CDK5RAP1: variants seen among roughly 807,000 people sequenced by gnomAD.
CDK5RAP1 encodes the protein mitochondrial tRNA methylthiotransferase CDK5RAP1.
In CDK5RAP1, 62 loss-of-function variants were observed where a neutral mutation model predicts 64.5. The observed-to-expected ratio is 0.96, with a 90% confidence interval of 0.78 to 1.19. The LOEUF is 1.19. CDK5RAP1 is among the 50% of genes most tolerant of loss of function. CDK5RAP1 has a pLI of 0.00. For synonymous variants in CDK5RAP1, 250 were observed against 261.9 expected (o/e 0.95, Z 0.44); for missense variants, 657 against 735.0 (o/e 0.89, Z 1.23).
At chr20:33,387,108 CA>C (rs1364158330) in intron 6 of CDK5RAP1, among the ~76,000 whole-genome samples, 5 of 149,850 alleles carry the variant, frequency 3.3e-5, no homozygotes, top group Non-Finnish European at 7.4e-5. Flanking sequence ...TGTAAAAATT[CA>C]AAAAAAAATT....
chr20:33,359,017 G>A lies in CDK5RAP1; in HGVS notation c.*26C>T. 1.3e-6 allele frequency: 2 copies of A among 1,556,782 alleles called. No individual in the cohort carries two copies. Among genetic ancestry groups the A allele is most frequent in the Middle Eastern group, 1.7e-4 (1 of 5,838 alleles). ...CTTCCTGTTGGGGAGGATTGCCCAA[G>A]TCAGCTCTGAGGCCATCCTCTCAGG... On this transcript the variant is annotated 3_prime_UTR_variant, in exon 14 of 14. Coordinates refer to ENST00000346416, the MANE Select transcript of CDK5RAP1 (RefSeq NM_016408.4).
chr20:33,370,452 C>A (rs1193604388), intron 11 of CDK5RAP1, 47 bp downstream of exon 11: 6 of 1,608,040 alleles, frequency 3.7e-6, no homozygotes, highest in East Asian at 4.5e-5. Flanking sequence ...TCACCACCCC[C>A]AAACTGGTCA....
Position 33,395,017 on chromosome 20 carries a change from T to A in CDK5RAP1, c.404A>T (p.Gln135Leu). ...KSGYLRTSNLQEADVILLVTC... is the reference protein window; with the variant it reads ...KSGYLRTSNLLEADVILLVTC... Reference sequence around the variant, plus strand: ...GGAAATAGGAAATGCATGTACCTCTTGGAGGTTACTGGTCCGCAGGTAGCC... The same window carrying A: ...GGAAATAGGAAATGCATGTACCTCTAGGAGGTTACTGGTCCGCAGGTAGCC... Residue 135 changes from glutamine to leucine, a missense_variant, in exon 3 of 14, where the codon CAA becomes CTA. Transcript: ENST00000346416. 1.3e-6 allele frequency: 2 copies of A among 1,572,968 alleles called. No individual in the cohort carries two copies. Among genetic ancestry groups the A allele is most frequent in the Non-Finnish European group, 1.8e-6 (2 of 1,142,424 alleles).
At chr20:33,369,522 C>G (rs1984637665) in intron 11 of CDK5RAP1, among the ~76,000 whole-genome samples, 1 of 151,948 alleles carries the variant, frequency 6.6e-6, no homozygotes. Context: ...AAACTAACAG[C>G]TCCTCTGAAG....
Position 33,366,992 on chromosome 20 carries a change from T to G in CDK5RAP1, c.1409A>C (p.His470Pro), listed in dbSNP as rs753792842. The stretch of plus-strand genomic sequence containing the variant: ...TTCCGGGACATCATCCTTCAGCCTA[T>G]GATATGCCCGTGTCTTCTATTAAAA... ...YSMRQKTRAY[H>P]RLKDDVPEEV... Residue 470 changes from histidine (H) to proline (P), a missense_variant, in exon 12 of 14, where the codon CAT (histidine) becomes CCT (proline). Physicochemically the swap from His to Pro is moderately conservative, Grantham distance 77. Transcript: ENST00000346416. 24 of 1,611,210 alleles carry G rather than the reference T, an allele frequency of 1.5e-5. No individual in the cohort carries two copies. Among genetic ancestry groups the G allele is most frequent in the Middle Eastern group, 1.6e-4 (1 of 6,070 alleles).
At chr20:33,388,596 C>T (rs1987801160) in intron 5 of CDK5RAP1, among the ~76,000 whole-genome samples, 2 of 137,184 alleles carry the variant, frequency 1.5e-5, no homozygotes, top group South Asian at 5.2e-4. Context: ...CTCCTTCTCC[C>T]TCTCCCCACA....
intron 13 of CDK5RAP1, chr20:33,359,356 T>G: frequency 2.1e-6 from 1 of 486,614 alleles, no homozygotes; most frequent in Non-Finnish European, 3.7e-6. Flanking sequence ...CTTCTCCCTT[T>G]TCTCTTGGAA....
At chr20:33,388,914 C>T (rs973765846) in intron 5 of CDK5RAP1, among the ~76,000 whole-genome samples, 14 of 152,186 alleles carry the variant, frequency 9.2e-5, no homozygotes, top group Non-Finnish European at 1.6e-4. Context: ...GATGGAGTCT[C>T]GTTCACTCAG....
intron 2 of CDK5RAP1, among the ~76,000 whole-genome samples, chr20:33,396,248 T>C (rs1988885834): frequency 6.6e-6 from 1 of 152,170 alleles, no homozygotes; most frequent in Non-Finnish European, 1.5e-5. Context: ...AAAACTAATT[T>C]TGTACACAGT....
At chr20:33,374,235 A>T (rs1985593214) in intron 8 of CDK5RAP1, 23 bp from the exon 9 acceptor site, 2 of 1,470,924 alleles carry the variant, frequency 1.4e-6, no homozygotes, top group Admixed American at 3.4e-5. Flanking sequence ...AACACATTAT[A>T]GGTAATCACA....
At chr20:33,362,967 T>A (rs1983211140) in intron 12 of CDK5RAP1, among the ~76,000 whole-genome samples, 1 of 152,158 alleles carries the variant, frequency 6.6e-6, no homozygotes, top group Admixed American at 6.5e-5. Context: ...TACTTACTAG[T>A]TACAAAAGGA....
rs377039020 is a variant in CDK5RAP1, at chr20:33,370,145, G to A, written c.1392+354C>T. Among the ~76,000 whole-genome samples, 61 of 152,166 alleles carry A rather than the reference G, an allele frequency of 4.0e-4. 1 individual carries two copies. The highest frequency in any genetic ancestry group is 1.3e-3 in the African/African-American group (56 of 41,506). ...GGCTGGGAAGATGACCAGGGGCCCC[G>A]GTAAAATAAATCACATCTGCAGACC... On this transcript the variant is annotated intron_variant, in intron 11 of 13. Coordinates refer to ENST00000346416, the MANE Select transcript of CDK5RAP1 (RefSeq NM_016408.4).
chr20:33,366,364 G>A lies in CDK5RAP1; in HGVS notation c.1542+495C>T, dbSNP rs113001322. On this transcript the variant is annotated intron_variant, in intron 12 of 13. Coordinates refer to ENST00000346416, the MANE Select transcript of CDK5RAP1 (RefSeq NM_016408.4). ...AGGCCGGGCACGGTGGCTCATGCCC[G>A]TAATCCTAGCACTTTGGGAGGCTGA... Among the ~76,000 whole-genome samples the A allele has an allele frequency of 3.9e-3, 566 of 146,904 alleles. 7 individuals are homozygous for A. The highest frequency in any genetic ancestry group is 0.013 in the African/African-American group (528 of 39,718).
rs541449429 is a variant in CDK5RAP1, at chr20:33,372,458, A to G, written c.1261+184T>C. Among the ~76,000 whole-genome samples, 132 of 152,288 alleles carry G rather than the reference A, an allele frequency of 8.7e-4. 1 individual carries two copies. Among genetic ancestry groups the G allele is most frequent in the Middle Eastern group, 3.4e-3 (1 of 294 alleles). On this transcript the variant is annotated intron_variant, in intron 10 of 13. Transcript: ENST00000346416. ...ACACCTAAGTACTTCCAGCAGGACT[A>G]AGACAACAAAAAATCAGAAAGACAT...
chr20:33,377,991 TC>T (rs1467017135), intron 8 of CDK5RAP1, among the ~76,000 whole-genome samples: 2 of 152,238 alleles, frequency 1.3e-5, no homozygotes, highest in East Asian at 1.9e-4. Context: ...TGTGTTGTTT[TC>T]TTATCATTCA....
At position 33,397,003 on chromosome 20, in the gene CDK5RAP1, G is replaced by A. The variant is rs1354215472; in HGVS notation, c.62C>T (p.Ser21Phe). 6.2e-7 allele frequency: 1 copy of A among 1,614,180 alleles called. No homozygotes were observed. The highest frequency in any genetic ancestry group is 8.5e-7 in the Non-Finnish European group (1 of 1,180,032). Residue 21 changes from serine to phenylalanine, a missense_variant, in exon 2 of 14, where the codon TCT becomes TTT. Coordinates refer to ENST00000346416, the MANE Select transcript of CDK5RAP1 (RefSeq NM_016408.4). Reference sequence around the variant, plus strand: ...CATCCTCAGCGACAGCCAAGACACAGAGGCCAATGGTCCCCACCCCAGAGA... The same window carrying A: ...CATCCTCAGCGACAGCCAAGACACAAAGGCCAATGGTCCCCACCCCAGAGA... ...QRSLGWGPLA[S>F]VSWLSLRMCR...
At chr20:33,391,530 T>A (rs1164599457) in intron 5 of CDK5RAP1, among the ~76,000 whole-genome samples, 4 of 152,094 alleles carry the variant, frequency 2.6e-5, no homozygotes, top group African/African-American at 9.7e-5. Flanking sequence ...ATTAGAAATT[T>A]GTGCTGTCAG....
At chr20:33,362,905 T>C (rs1317907585) in intron 12 of CDK5RAP1, among the ~76,000 whole-genome samples, 1 of 152,200 alleles carries the variant, frequency 6.6e-6, no homozygotes, top group Non-Finnish European at 1.5e-5. Context: ...AATACCACTT[T>C]AGGGAAACAA....
At chr20:33,362,624 A>G (rs1406164788) in intron 12 of CDK5RAP1, among the ~76,000 whole-genome samples, 1 of 152,238 alleles carries the variant, frequency 6.6e-6, no homozygotes, top group African/African-American at 2.4e-5. Flanking sequence ...CCTTTAAAAG[A>G]TAATTGTTTA....
Sources: gnomAD v4.1 joint callset for allele counts (sites outside exome capture counted in the v4.1 genomes callset) on GRCh38, gnomAD v4.1.1 for gene constraint, MANE v1.5 for transcripts, NCBI Gene and HGNC (gene_info 2026-07-23, HGNC 2026-07-21) for gene names.